Variants in HIRA observed in about 807,000 individuals in gnomAD.
HIRA encodes the protein protein HIRA.
HIRA carries 13 observed loss-of-function variants against 126.6 expected under a neutral mutation model. That is an observed-to-expected ratio of 0.10 (90% CI 0.07 to 0.16). HIRA has a LOEUF of 0.16. HIRA is among the 10% of genes least tolerant of loss of function. HIRA has a pLI of 1.00. For synonymous variants in HIRA, 511 were observed against 520.0 expected, an observed-to-expected ratio of 0.98 and a Z score of 0.24; for missense variants, 834 against 1,314.4, an observed-to-expected ratio of 0.63 and a Z score of 5.65.
chr22:19,382,900 C>T (rs560307818), intron 13 of HIRA, among the ~76,000 whole-genome samples: 1 of 152,170 alleles, frequency 6.6e-6, no homozygotes, highest in South Asian at 2.1e-4. Flanking sequence ...CTCTGTCCCC[C>T]ACAGGGAAAT....
At chr22:19,370,018 A>C (rs917208033) in intron 15 of HIRA, among the ~76,000 whole-genome samples, 1 of 152,194 alleles carries the variant, frequency 6.6e-6, no homozygotes, top group Non-Finnish European at 1.5e-5. Flanking sequence ...AGTCTTGTTC[A>C]GGCTGGAGTG....
intron 15 of HIRA, among the ~76,000 whole-genome samples, chr22:19,372,799 T>A (rs2088979450): frequency 1.3e-5 from 2 of 152,130 alleles, no homozygotes; most frequent in African/African-American, 4.8e-5. Flanking sequence ...CTTGAACTCC[T>A]GACCTCAGGT....
In HIRA at chr22:19,348,684, A is replaced by G. The variant is rs1213643921; in HGVS notation, c.2937+2674T>C. Among the ~76,000 whole-genome samples the G allele has an allele frequency of 2.0e-5, 3 of 151,280 alleles. No individual in the cohort carries two copies. The East Asian group carries it at 5.9e-4, about 30-fold the overall frequency. ...CTAATTTTTTGTATTTTTAGTAGAG[A>G]TGGGGTTTCACTAAGTTGGCCAGGC... On this transcript the variant is annotated intron_variant, in intron 24 of 24. Transcript: ENST00000263208.
chr22:19,368,715 G>T (rs2088937262), intron 15 of HIRA, among the ~76,000 whole-genome samples: 1 of 152,202 alleles, frequency 6.6e-6, no homozygotes. Context: ...AGACTTTTAT[G>T]TAACTATCGT....
At chr22:19,369,002 C>T (rs1364841557) in intron 15 of HIRA, among the ~76,000 whole-genome samples, 1 of 152,176 alleles carries the variant, frequency 6.6e-6, no homozygotes, top group Non-Finnish European at 1.5e-5. Flanking sequence ...GGGCTTGTAT[C>T]AGTTGTTACA....
intron 3 of HIRA, among the ~76,000 whole-genome samples, chr22:19,407,534 T>C (rs1207348866): frequency 1.3e-5 from 2 of 152,200 alleles, no homozygotes; most frequent in Admixed American, 6.5e-5. Context: ...ACATAGTCAA[T>C]AGAAGGCTTC....
In HIRA at chr22:19,341,767, G is replaced by A. The variant is rs546557817; in HGVS notation, c.2937+9591C>T. Among the ~76,000 whole-genome samples the A allele has an allele frequency of 1.1e-4, 17 of 152,304 alleles. 1 individual carries two copies. Among genetic ancestry groups the A allele is most frequent in the African/African-American group, 3.8e-4 (16 of 41,568 alleles). On this transcript the variant is annotated intron_variant, in intron 24 of 24. Coordinates refer to ENST00000263208, the MANE Select transcript of HIRA (RefSeq NM_003325.4). ...AGCCACATATAGAAGAATGAAGCTG[G>A]ATCCTCATCTCTCATCTTATACAAA...
intron 13 of HIRA, among the ~76,000 whole-genome samples, chr22:19,378,788 A>G (rs1296113722): frequency 1.3e-5 from 2 of 152,230 alleles, no homozygotes; most frequent in African/African-American, 4.8e-5. Flanking sequence ...AGATTCACAT[A>G]ATATATGGGA....
At position 19,354,052 on chromosome 22, in the gene HIRA, G is replaced by C; in HGVS notation, c.2628C>G (p.Ser876=). Residue 876 remains serine, a synonymous_variant, in exon 22 of 25, where the codon TCC becomes TCG. Coordinates refer to ENST00000263208, the MANE Select transcript of HIRA (RefSeq NM_003325.4). ...GTCCTGAGCACAGCATGGCGTCCTG[G>C]GATGGCAGGCTGCTCCTAAAGTCTG... ...QCADFRSSLP[S]QDAMLCSGPL... is the part of the protein sequence containing the mutation. The C allele has an allele frequency of 1.2e-6, 2 of 1,613,432 alleles. No individual in the cohort carries two copies. Among genetic ancestry groups the C allele is most frequent in the Non-Finnish European group, 1.7e-6 (2 of 1,179,784 alleles).
At position 19,363,768 on chromosome 22, in the gene HIRA, T is replaced by A. The variant is rs567426477; in HGVS notation, c.1776-1837A>T. ...CAAAAATTAGCCACGTGTGGTGGCA[T>A]ACACATGTAATCCCAGCTACCTGGG... is the stretch of plus-strand genomic sequence containing the variant. On this transcript the variant is annotated intron_variant, in intron 15 of 24. Coordinates refer to ENST00000263208, the MANE Select transcript of HIRA (RefSeq NM_003325.4). Among the ~76,000 whole-genome samples the A allele has an allele frequency of 6.6e-5, 10 of 152,174 alleles. 1 individual carries two copies. In the East Asian group the frequency reaches 1.9e-3, roughly 29 times the overall value.
intron 18 of HIRA, among the ~76,000 whole-genome samples, chr22:19,357,768 C>T (rs1433225972): frequency 2.0e-5 from 3 of 152,160 alleles, no homozygotes; most frequent in African/African-American, 7.2e-5. Flanking sequence ...CACCCAGAGC[C>T]CTGCTTTGTG....
intron 2 of HIRA, 47 bp downstream of exon 2, chr22:19,410,669 G>A: frequency 7.2e-7 from 1 of 1,395,988 alleles, no homozygotes; most frequent in Non-Finnish European, 1.0e-6. Flanking sequence ...AGAAGAGCAA[G>A]GTGGCAGGGC....
rs1275056973 is a variant in HIRA, at chr22:19,375,745, G to A, written c.1661C>T (p.Thr554Met). The change falls in exon 15 of 25, where the codon ACG (threonine) becomes ATG (methionine). Residue 554 changes from threonine (T) to methionine (M), a missense_variant. Around this residue, in one of 5 missense-constraint regions of HIRA, gnomAD observed 468 missense variants for 574.2 expected, o/e 0.82. Coordinates refer to ENST00000263208, the MANE Select transcript of HIRA (RefSeq NM_003325.4). ...TPAALSPSVLTTPSKIEPMKA... is the reference protein window; with the variant it reads ...TPAALSPSVLMTPSKIEPMKA... ...CATGGGTTCGATCTTGGACGGGGTC[G>A]TTAACACAGAAGGTGACAATGCAGC... is the stretch of plus-strand genomic sequence containing the variant. The A allele has an allele frequency of 2.5e-6, 4 of 1,614,032 alleles. No individual in the cohort carries two copies. The highest frequency in any genetic ancestry group is 1.7e-5 in the Admixed American group (1 of 60,000).
intron 1 of HIRA, among the ~76,000 whole-genome samples, chr22:19,416,508 T>A (rs1480777054): frequency 2.0e-5 from 3 of 151,956 alleles, no homozygotes; most frequent in Non-Finnish European, 2.9e-5. Flanking sequence ...CCTGGCTAAT[T>A]TTTGTATTTC....
chr22:19,331,524 C>T lies in HIRA; in HGVS notation c.2970G>A (p.Leu990=). The T allele has an allele frequency of 6.2e-7, 1 of 1,609,596 alleles. No homozygotes were observed. Among genetic ancestry groups the T allele is most frequent in the Non-Finnish European group, 8.5e-7 (1 of 1,176,926 alleles). Residue 990 remains leucine (L), a synonymous_variant, in exon 25 of 25, where the codon CTG becomes CTA. Transcript: ENST00000263208. Reference sequence around the variant, plus strand: ...GGAGGTTCTGCCCGATGACTGGTAGCAGCTCCTTCAGCAGCTCCCTCTTCC... The same window carrying T: ...GGAGGTTCTGCCCGATGACTGGTAGTAGCTCCTTCAGCAGCTCCCTCTTCC... ...GLRKRELLKE[L]LPVIGQNLRF...
At chr22:19,400,912 G>A (rs1346848276) in intron 5 of HIRA, among the ~76,000 whole-genome samples, 5 of 151,870 alleles carry the variant, frequency 3.3e-5, no homozygotes, top group African/African-American at 9.7e-5. Context: ...CATCAGCCCC[G>A]TGCTCCTAGC....
At position 19,415,780 on chromosome 22, in the gene HIRA, AC is replaced by A. The variant is rs1277570438; in HGVS notation, c.38-5003del. ...CTCCAGCCTGGGCAACAAGAGTGAA[AC>A]TCCGTCTCAAAAAAAAAAGATGTCA... On this transcript the variant is annotated intron_variant, in intron 1 of 24. Coordinates refer to ENST00000263208, the MANE Select transcript of HIRA (RefSeq NM_003325.4). Among the ~76,000 whole-genome samples the A allele has an allele frequency of 2.6e-5, 4 of 151,696 alleles. No homozygotes were observed. In the East Asian group the frequency reaches 7.8e-4, roughly 29 times the overall value.
chr22:19,388,613 G>T, intron 9 of HIRA, 59 bp from the exon 10 acceptor site: 1 of 1,409,406 alleles, frequency 7.1e-7, no homozygotes, highest in Non-Finnish European at 1.0e-6. Context: ...TCTGTATTCA[G>T]CTCAGTTAAC....
rs1389930607 is a variant in HIRA at position 19,388,574 on chromosome 22, C to G, written c.937-20G>C. 11 of 1,600,426 alleles carry G rather than the reference C, an allele frequency of 6.9e-6. No individual in the cohort carries two copies. The highest frequency in any genetic ancestry group is 3.3e-4 in the Middle Eastern group (2 of 6,044). ...TGTGAGCTGGAAGGAAAGACACAGT[C>G]AAGGTTAATGAAATTACTGAAATCC... On this transcript the variant is annotated intron_variant, in intron 9 of 24. Coordinates refer to ENST00000263208, the MANE Select transcript of HIRA (RefSeq NM_003325.4).
Sources: gnomAD v4.1 joint callset for allele counts (sites outside exome capture counted in the v4.1 genomes callset) on GRCh38, gnomAD v4.1.1 for gene constraint, gnomAD v4.1.1 regional missense constraint, MANE v1.5 for transcripts, NCBI Gene and HGNC (gene_info 2026-07-23, HGNC 2026-07-21) for gene names.